BCKDHB: variants seen among roughly 807,000 people sequenced by gnomAD.
BCKDHB encodes the protein 2-oxoisovalerate dehydrogenase subunit beta, mitochondrial.
In BCKDHB, 41 loss-of-function variants were observed where a neutral mutation model predicts 48.5. That is an observed-to-expected ratio of 0.85 (90% CI 0.66 to 1.10). The LOEUF (loss-of-function observed/expected upper bound fraction) is 1.10, where lower values mean the gene tolerates loss of function less well. Ranked by LOEUF, BCKDHB falls within the 50% of genes least tolerant of loss-of-function variation. The pLI, the probability that BCKDHB is intolerant of heterozygous loss-of-function variation, is 0.00. For missense variants in BCKDHB, 496 were observed against 494.2 expected (o/e 1.00, Z -0.03); for synonymous variants, 201 against 174.8 (o/e 1.15, Z -1.18).
intron 6 of BCKDHB, among the ~76,000 whole-genome samples, chr6:80,183,248 A>G (rs1773495589): frequency 6.6e-6 from 1 of 152,132 alleles, no homozygotes; most frequent in Non-Finnish European, 1.5e-5. Context: ...GTTAATGAAA[A>G]ACTATGGAAG....
chr6:80,348,964 A>G (rs1398736099), downstream of BCKDHB, among the ~76,000 whole-genome samples: 1 of 152,254 alleles, frequency 6.6e-6, no homozygotes, highest in Non-Finnish European at 1.5e-5. Context: ...TGAGGACATC[A>G]TAACTGGAAG....
chr6:80,159,008 T>A (rs1772187421), intron 3 of BCKDHB, among the ~76,000 whole-genome samples: 1 of 152,164 alleles, frequency 6.6e-6, no homozygotes, highest in South Asian at 2.1e-4. Context: ...ATGTGGTGGA[T>A]TAGGTGTGAG....
intron 8 of BCKDHB, among the ~76,000 whole-genome samples, chr6:80,223,835 A>T (rs1294638527): frequency 6.6e-6 from 1 of 152,144 alleles, no homozygotes; most frequent in East Asian, 1.9e-4. Flanking sequence ...AAACTCTTCC[A>T]GGGGAGCTTG....
intron 6 of BCKDHB, among the ~76,000 whole-genome samples, chr6:80,183,423 G>A (rs73750073): frequency 0.019 from 2,839 of 152,184 alleles, 84 homozygotes; most frequent in African/African-American, 0.065. Flanking sequence ...AGAATTTGCC[G>A]TTTTTTAATT....
At chr6:80,262,448 C>T (rs1302563971) in intron 8 of BCKDHB, among the ~76,000 whole-genome samples, 2 of 152,138 alleles carry the variant, frequency 1.3e-5, no homozygotes, top group South Asian at 2.1e-4. Flanking sequence ...AGAATCAACT[C>T]TCAGAACTGA....
At chr6:80,300,198 G>A (rs999024750) in intron 9 of BCKDHB, among the ~76,000 whole-genome samples, 4 of 151,920 alleles carry the variant, frequency 2.6e-5, no homozygotes, top group African/African-American at 7.3e-5. Context: ...ACCACAGGCC[G>A]TGCCACCATG....
chr6:80,224,576 T>C (rs926237333), intron 8 of BCKDHB, among the ~76,000 whole-genome samples: 1 of 152,112 alleles, frequency 6.6e-6, no homozygotes, highest in Non-Finnish European at 1.5e-5. Flanking sequence ...ATTTTTCTTT[T>C]GTAGAGACGG....
At chr6:80,232,347 G>T (rs1775963235) in intron 8 of BCKDHB, among the ~76,000 whole-genome samples, 1 of 151,062 alleles carries the variant, frequency 6.6e-6, no homozygotes. Flanking sequence ...ATCAACCATA[G>T]AACTGTTAAC....
chr6:80,366,874 C>T, the BCKDHB span, among the ~76,000 whole-genome samples: 1 of 152,212 alleles, frequency 6.6e-6, no homozygotes, highest in African/African-American at 2.4e-5. Context: ...CTATTCTCAA[C>T]AGACATCTGG....
rs575415864 is a variant in BCKDHB, at chr6:80,185,442, G to A, written c.742+14052G>A. Among the ~76,000 whole-genome samples, 14 of 151,596 alleles carry A rather than the reference G, an allele frequency of 9.2e-5. No individual in the cohort carries two copies. The East Asian group carries it at 9.7e-4, about 11-fold the overall frequency. On this transcript the variant is annotated intron_variant, in intron 6 of 9. Transcript: ENST00000320393. ...CTGGCAATCAGGGATTTTTTTCTTC[G>A]TTTGAATCTATTGTTGGAGAGCGAG... is the stretch of plus-strand genomic sequence containing the variant.
At chr6:80,264,377 G>A (rs1023411718) in intron 8 of BCKDHB, among the ~76,000 whole-genome samples, 1 of 152,110 alleles carries the variant, frequency 6.6e-6, no homozygotes, top group Non-Finnish European at 1.5e-5. Context: ...TTCCTGGTTT[G>A]TACTAATATA....
chr6:80,305,492 A>G (rs1405090068), intron 9 of BCKDHB, among the ~76,000 whole-genome samples: 1 of 152,152 alleles, frequency 6.6e-6, no homozygotes, highest in Non-Finnish European at 1.5e-5. Flanking sequence ...ATTTATTGCA[A>G]TTTAAGTTGT....
chr6:80,203,045 G>A, intron 7 of BCKDHB, 57 bp from the exon 8 acceptor site: 1 of 1,223,230 alleles, frequency 8.2e-7, no homozygotes, highest in Non-Finnish European at 1.2e-6. Flanking sequence ...CATTCAACTA[G>A]TTTTTGAGGC....
At chr6:80,171,222 C>T (rs538610704) in intron 5 of BCKDHB, 60 bp from the exon 6 acceptor site, 2 of 929,432 alleles carry the variant, frequency 2.2e-6, no homozygotes, top group East Asian at 2.5e-5. Context: ...CCCTTCTTAG[C>T]AGCGAGTTTA....
intron 8 of BCKDHB, among the ~76,000 whole-genome samples, chr6:80,221,546 C>T (rs1775453560): frequency 6.6e-6 from 1 of 151,994 alleles, no homozygotes; most frequent in African/African-American, 2.4e-5. Context: ...TATTGGTTTT[C>T]TGAGATTTTC....
chr6:80,263,323 T>C (rs1216451849), intron 8 of BCKDHB, among the ~76,000 whole-genome samples: 1 of 152,204 alleles, frequency 6.6e-6, no homozygotes, highest in African/African-American at 2.4e-5. Flanking sequence ...AAGAATTCTT[T>C]TCCTGAATCC....
the BCKDHB span, among the ~76,000 whole-genome samples, chr6:80,366,329 A>G: frequency 1.3e-5 from 2 of 152,298 alleles, no homozygotes; most frequent in East Asian, 3.9e-4. Flanking sequence ...AAGAGTTTGA[A>G]TGTTTAGTAT....
At chr6:80,351,952 G>T in the BCKDHB span, among the ~76,000 whole-genome samples, 13 of 151,618 alleles carry the variant, frequency 8.6e-5, no homozygotes, top group African/African-American at 3.1e-4. Context: ...CTCCCAAGTA[G>T]CTGGGATTAC....
the BCKDHB span, among the ~76,000 whole-genome samples, chr6:80,363,236 A>G: frequency 2.0e-5 from 3 of 152,160 alleles, no homozygotes; most frequent in Non-Finnish European, 4.4e-5. Flanking sequence ...AGTAATTTCC[A>G]AAAGGTCACT....
Sources: allele counts gnomAD v4.1 joint callset (sites outside exome capture counted in the v4.1 genomes callset), GRCh38; gene constraint gnomAD v4.1.1; transcripts MANE v1.5; gene names NCBI Gene and HGNC (gene_info 2026-07-23, HGNC 2026-07-21).